BTBD9: variants seen among roughly 807,000 people sequenced by gnomAD.
The protein encoded by BTBD9 is BTB domain containing 9.
Under a neutral mutation model 64.3 loss-of-function variants are expected in BTBD9, and 49 were observed. The ratio of observed to expected loss-of-function variants is 0.76; its 90% CI spans 0.61 to 0.97. The LOEUF is 0.97. BTBD9 is among the 50% of genes least tolerant of loss of function. The pLI is 0.00. For missense variants in BTBD9, 598 were observed against 762.1 expected, an observed-to-expected ratio of 0.78 and a Z score of 2.53; for synonymous variants, 260 against 274.7, an observed-to-expected ratio of 0.95 and a Z score of 0.53.
At chr6:38,321,520 T>C (rs1763229903) in intron 7 of BTBD9, among the ~76,000 whole-genome samples, 1 of 152,208 alleles carries the variant, frequency 6.6e-6, no homozygotes, top group Non-Finnish European at 1.5e-5. Flanking sequence ...GACATTAAAC[T>C]GGACAGCAAA....
intron 9 of BTBD9, among the ~76,000 whole-genome samples, chr6:38,196,618 C>T (rs1279042462): frequency 2.0e-5 from 3 of 152,172 alleles, no homozygotes; most frequent in Non-Finnish European, 4.4e-5. Context: ...GTGCATGGCA[C>T]CGGCTGGGTG....
chr6:38,334,599 ACAT>A (rs1246979468), intron 7 of BTBD9, among the ~76,000 whole-genome samples: 4 of 144,512 alleles, frequency 2.8e-5, no homozygotes, highest in Non-Finnish European at 4.4e-5. Flanking sequence ...ACATAACATA[ACAT>A]AACATAACAT....
chr6:38,535,095 T>C (rs778070135), intron 6 of BTBD9, among the ~76,000 whole-genome samples: 1 of 152,112 alleles, frequency 6.6e-6, no homozygotes, highest in Non-Finnish European at 1.5e-5. Flanking sequence ...TTGAAGAGGA[T>C]ATGATCTTAC....
At chr6:38,541,199 G>GA (rs1774252375) in intron 6 of BTBD9, among the ~76,000 whole-genome samples, 1 of 151,880 alleles carries the variant, frequency 6.6e-6, no homozygotes. Flanking sequence ...TAAAAAGCAT[G>GA]AAAAAAATGA....
At chr6:38,321,193 C>A (rs917200170) in intron 7 of BTBD9, among the ~76,000 whole-genome samples, 19 of 152,148 alleles carry the variant, frequency 1.2e-4, no homozygotes, top group African/African-American at 4.6e-4. Flanking sequence ...AAGGAATAAG[C>A]AAATCACAAC....
At chr6:38,216,001 C>T (rs191689364) in intron 9 of BTBD9, among the ~76,000 whole-genome samples, 3 of 152,294 alleles carry the variant, frequency 2.0e-5, no homozygotes, top group East Asian at 1.9e-4. Context: ...TATCAATTTT[C>T]GGGTTCTGAG....
At chr6:38,378,735 G>A (rs964656653) in intron 6 of BTBD9, among the ~76,000 whole-genome samples, 5 of 151,428 alleles carry the variant, frequency 3.3e-5, no homozygotes, top group Non-Finnish European at 5.9e-5. Flanking sequence ...TTAGCTGGGC[G>A]TGGTGGTGGG....
intron 9 of BTBD9, among the ~76,000 whole-genome samples, chr6:38,202,916 T>C (rs1762514310): frequency 6.6e-6 from 1 of 152,158 alleles, no homozygotes; most frequent in Non-Finnish European, 1.5e-5. Context: ...GATAAGGTAA[T>C]CTGTTGAATA....
chr6:38,557,788 G>T (rs982812581), intron 6 of BTBD9, among the ~76,000 whole-genome samples: 1 of 152,062 alleles, frequency 6.6e-6, no homozygotes, highest in Admixed American at 6.5e-5. Flanking sequence ...AAATAAGGGG[G>T]GTAAAGTTAT....
At chr6:38,559,908 A>G (rs1775198685) in intron 6 of BTBD9, among the ~76,000 whole-genome samples, 1 of 152,210 alleles carries the variant, frequency 6.6e-6, no homozygotes, top group Admixed American at 6.5e-5. Context: ...TCTCCCCTTC[A>G]TTATACACAA....
rs531730619 is a variant in BTBD9 at position 38,435,717 on chromosome 6, G to A, written c.1155-90624C>T. Among the ~76,000 whole-genome samples the A allele has an allele frequency of 9.2e-4, 136 of 148,160 alleles. 1 individual carries two copies. Among genetic ancestry groups the A allele is most frequent in the African/African-American group, 2.9e-3 (117 of 39,800 alleles). On this transcript the variant is annotated intron_variant, in intron 6 of 10. Transcript: ENST00000481247. Reference sequence around the variant, plus strand: ...TGAGTCTCACTCTATCGCCCAGGCCGGAGTGCAGTGGCGTGATCTTGGCTC... The same window carrying A: ...TGAGTCTCACTCTATCGCCCAGGCCAGAGTGCAGTGGCGTGATCTTGGCTC...
intron 7 of BTBD9, among the ~76,000 whole-genome samples, chr6:38,310,368 A>C (rs1298690936): frequency 6.6e-6 from 1 of 152,048 alleles, no homozygotes; most frequent in African/African-American, 2.4e-5. Flanking sequence ...AGGCAGCCAA[A>C]GTCTTCCAAA....
At chr6:38,394,121 G>A (rs1240962696) in intron 6 of BTBD9, among the ~76,000 whole-genome samples, 4 of 152,092 alleles carry the variant, frequency 2.6e-5, no homozygotes, top group African/African-American at 9.7e-5. Flanking sequence ...ACTATGCTGG[G>A]TACTGAGGAT....
At position 38,345,093 on chromosome 6, in the gene BTBD9, C is replaced by A; in HGVS notation, c.1155G>T (p.Arg385Ser). 6.3e-7 allele frequency: 1 copy of A among 1,585,262 alleles called. No homozygotes were observed. Among genetic ancestry groups the A allele is most frequent in the Non-Finnish European group, 8.6e-7 (1 of 1,159,708 alleles). ...TGTGAGTCCCAACAATTCGAATATA[C>A]CTGACGGTAAAAAGAAAAGAAAATG... is the stretch of plus-strand genomic sequence containing the variant. ...QKLYFPARVC[R>S]YIRIVGTHNT... The change falls in exon 7 of 11, where the codon AGG (arginine) becomes AGT (serine). Residue 385 changes from arginine to serine, a missense_variant and splice_region_variant. Arg to Ser is a moderately radical substitution (Grantham distance 110). Transcript: ENST00000481247.
chr6:38,276,728 G>A (rs145233496), intron 8 of BTBD9, among the ~76,000 whole-genome samples: 6 of 152,170 alleles, frequency 3.9e-5, no homozygotes, highest in African/African-American at 1.4e-4. Context: ...GTAGTATGAC[G>A]GTCATTGCCT....
chr6:38,459,073 C>T (rs963305233), intron 6 of BTBD9, among the ~76,000 whole-genome samples: 1 of 152,106 alleles, frequency 6.6e-6, no homozygotes, highest in Non-Finnish European at 1.5e-5. Context: ...GGCTGGAGTG[C>T]AATGGTGTGA....
At chr6:38,402,986 T>C (rs1355210054) in intron 6 of BTBD9, 5 of 605,182 alleles carry the variant, frequency 8.3e-6, no homozygotes, top group South Asian at 5.8e-5. Flanking sequence ...GGTGGGAGAA[T>C]TGCTTAAGCC....
At chr6:38,510,503 A>G (rs2127409843) in intron 6 of BTBD9, among the ~76,000 whole-genome samples, 1 of 148,278 alleles carries the variant, frequency 6.7e-6, no homozygotes, top group Non-Finnish European at 1.5e-5. Flanking sequence ...TAGGCTACAC[A>G]AAGTTTATTT....
chr6:38,357,296 A>G (rs2127596024), intron 6 of BTBD9, among the ~76,000 whole-genome samples: 1 of 152,314 alleles, frequency 6.6e-6, no homozygotes, highest in South Asian at 2.1e-4. Flanking sequence ...TCAGTAGCTT[A>G]GGATTCAGTG....
Sources: allele counts gnomAD v4.1 joint callset (sites outside exome capture counted in the v4.1 genomes callset), GRCh38; gene constraint gnomAD v4.1.1; transcripts MANE v1.5; gene names NCBI Gene and HGNC (gene_info 2026-07-23, HGNC 2026-07-21).